The following ATP2A3 variants were observed in gnomAD, a reference collection of about 807,000 sequenced individuals.
ATP2A3 encodes ATPase sarcoplasmic/endoplasmic reticulum Ca2+ transporting 3.
In ATP2A3, 61 loss-of-function variants were observed where a neutral mutation model predicts 106.8. The observed-to-expected ratio is 0.57, with a 90% CI of 0.46 to 0.71. ATP2A3 has a LOEUF of 0.71. Ranked by LOEUF, ATP2A3 falls within the 30% of genes least tolerant of loss-of-function variation. ATP2A3 has a pLI of 0.00. For missense variants in ATP2A3, 1,201 were observed against 1,423.5 expected (o/e 0.84, Z 2.52); for synonymous variants, 611 against 609.3 (o/e 1.00, Z -0.04).
Position 3,953,640 on chromosome 17 carries a change from C to T in ATP2A3, c.136+53G>A, listed in dbSNP as rs921456419. 3.7e-5 allele frequency: 58 copies of T among 1,555,440 alleles called. No individual in the cohort carries two copies. Among genetic ancestry groups the T allele is most frequent in the Admixed American group, 5.8e-5 (3 of 51,398 alleles). On this transcript the variant is annotated intron_variant, in intron 2 of 20. Coordinates refer to ENST00000397041, the MANE Select transcript of ATP2A3 (RefSeq NM_005173.4). The surrounding 1 kb of genome is among the most constrained non-coding windows in gnomAD (Gnocchi z 5.1). The stretch of plus-strand genomic sequence containing the variant: ...AAGGAAGTCATGACCAGACAGAGAA[C>T]GACCCAGGGATGCTGCCCGCGGCCT...
chr17:3,936,712 G>C lies in ATP2A3; in HGVS notation c.2322-243C>G. On this transcript the variant is annotated intron_variant, in intron 15 of 20. Transcript: ENST00000397041. This position sits in a 1 kb window ranked among gnomAD's most constrained non-coding sequence, Gnocchi z 5.4. ...ACATACCTGCTCTTTAGGCCTAGCAGAGGCCAAGTACACACACACACACAC... is the reference window on the plus strand; with the variant it reads ...ACATACCTGCTCTTTAGGCCTAGCACAGGCCAAGTACACACACACACACAC... 1.8e-6 allele frequency: 1 copy of C among 547,058 alleles called. No individual in the cohort carries two copies. Among genetic ancestry groups the C allele is most frequent in the Non-Finnish European group, 3.3e-6 (1 of 303,720 alleles). The allele number at this position is 547,058 out of a possible 1,614,324, so 33.9% of individuals were successfully genotyped here. A position where few individuals can be genotyped will look rare whatever the true frequency, so the allele number is the denominator to read the frequency against.
intron 1 of ATP2A3, among the ~76,000 whole-genome samples, chr17:3,958,728 A>C: frequency 8.6e-6 from 1 of 115,804 alleles, no homozygotes; most frequent in African/African-American, 4.3e-5. Flanking sequence ...ACACATATAT[A>C]TACACATATA....
In ATP2A3 at chr17:3,953,475, C is replaced by T; in HGVS notation, c.137-46G>A. 6.2e-7 allele frequency: 1 copy of T among 1,600,454 alleles called. No homozygotes were observed. Among genetic ancestry groups the T allele is most frequent in the Non-Finnish European group, 8.6e-7 (1 of 1,168,078 alleles). On this transcript the variant is annotated intron_variant, in intron 2 of 20. Coordinates refer to ENST00000397041, the MANE Select transcript of ATP2A3 (RefSeq NM_005173.4). The surrounding 1 kb of genome is among the most constrained non-coding windows in gnomAD (Gnocchi z 5.1). ...TGAGGCTGGGCCCCCACCACTGACC[C>T]TGCCCACTCAGAGCTGGGATGGCCC...
In ATP2A3 at chr17:3,943,407, G is replaced by C. The variant is rs746023743; in HGVS notation, c.1403C>G (p.Ala468Gly). The change falls in exon 11 of 21, where the codon GCT becomes GGT. Residue 468 changes from alanine (A) to glycine (G), a missense_variant. Physicochemically the swap from Ala to Gly is moderately conservative, Grantham distance 60 (BLOSUM62 0). Transcript: ENST00000397041. ...DLQALSRVER[A>G]GACNTVIKQL... ...CCTGCTCACCGTGTTACAGGCGCCA[G>C]CTCGCTCCACCCGGGACAGAGCCTG... The C allele has an allele frequency of 6.2e-7, 1 of 1,613,940 alleles. No individual in the cohort carries two copies. The highest frequency in any genetic ancestry group is 2.2e-5 in the East Asian group (1 of 44,882).
Position 3,930,451 on chromosome 17 carries a change from AG to A in ATP2A3, c.2611-18del. The A allele has an allele frequency of 6.2e-7, 1 of 1,613,490 alleles. No individual in the cohort carries two copies. On this transcript the variant is annotated intron_variant, in intron 17 of 20. Transcript: ENST00000397041. This position sits in a 1 kb window ranked among gnomAD's most constrained non-coding sequence, Gnocchi z 5.4. ...GAAGTTCCTCTGGGGGCACCGTGGC[AG>A]GTCAGAGAGAGCGGCAGGTCAGGCG...
rs2144677868 is a variant in ATP2A3, at chr17:3,953,461, C to T, written c.137-32G>A. On this transcript the variant is annotated intron_variant, in intron 2 of 20. Transcript: ENST00000397041. This position sits in a 1 kb window ranked among gnomAD's most constrained non-coding sequence, Gnocchi z 5.1. ...ACGGGGGTCATGTGTGAGGCTGGGC[C>T]CCCACCACTGACCCTGCCCACTCAG... is the stretch of plus-strand genomic sequence containing the variant. 6.2e-7 allele frequency: 1 copy of T among 1,608,820 alleles called. No homozygotes were observed. The highest frequency in any genetic ancestry group is 1.3e-5 in the African/African-American group (1 of 74,926).
chr17:3,951,967 G>T (rs1333979942), intron 3 of ATP2A3, among the ~76,000 whole-genome samples: 1 of 152,164 alleles, frequency 6.6e-6, no homozygotes, highest in Non-Finnish European at 1.5e-5. Context: ...TCTCAGTGTG[G>T]TCCCCAGACC....
chr17:3,939,092 G>A (rs1439468202), intron 14 of ATP2A3, among the ~76,000 whole-genome samples: 5 of 152,070 alleles, frequency 3.3e-5, no homozygotes, highest in South Asian at 2.1e-4. Context: ...TCTTGAGCCC[G>A]AGAGGATGAG....
chr17:3,946,351 A>G (rs1188354620), intron 8 of ATP2A3, among the ~76,000 whole-genome samples: 2 of 152,118 alleles, frequency 1.3e-5, no homozygotes, highest in Admixed American at 6.5e-5. Flanking sequence ...CAGGAGTTAT[A>G]GACCAGCCTG....
intron 17 of ATP2A3, among the ~76,000 whole-genome samples, chr17:3,931,033 G>C (rs1056785080): frequency 4.6e-5 from 7 of 151,962 alleles, no homozygotes; most frequent in African/African-American, 1.5e-4. Context: ...CCAGCTACTC[G>C]GGAGGCTGAG....
At chr17:3,948,376 G>T (rs1455624281) in intron 7 of ATP2A3, among the ~76,000 whole-genome samples, 2 of 152,122 alleles carry the variant, frequency 1.3e-5, no homozygotes, top group Non-Finnish European at 2.9e-5. Flanking sequence ...TCTGTAAAGT[G>T]GTCCAACACA....
chr17:3,951,387 T>C lies in ATP2A3; in HGVS notation c.327A>G (p.Glu109=). The C allele has an allele frequency of 3.1e-6, 5 of 1,613,560 alleles. No individual in the cohort carries two copies. The highest frequency in any genetic ancestry group is 4.2e-6 in the Non-Finnish European group (5 of 1,179,982). The change falls in exon 5 of 21, where the codon GAA becomes GAG. Residue 109 remains glutamate (E), a splice_region_variant and synonymous_variant. Transcript: ENST00000397041. ...CCTCGATGGCACTCTCGGCGTTGCGTTCCTGCAGAATAGAAGGCCGGCAGG... is the reference window on the plus strand; with the variant it reads ...CCTCGATGGCACTCTCGGCGTTGCGCTCCTGCAGAATAGAAGGCCGGCAGG... ...VANAIVGVWQ[E]RNAESAIEAL... is the part of the protein sequence containing the mutation.
rs757036912 is a variant in ATP2A3, at chr17:3,928,491, T to C, written c.2980+172A>G. 19 of 952,044 alleles carry C rather than the reference T, an allele frequency of 2.0e-5. No individual in the cohort carries two copies. Among genetic ancestry groups the C allele is most frequent in the Non-Finnish European group, 2.9e-5 (18 of 614,692 alleles). 59.0% of individuals were successfully genotyped at this position (952,044 alleles called of 1,614,324 possible). On this transcript the variant is annotated intron_variant, in intron 20 of 20. Transcript: ENST00000397041. The surrounding 1 kb of genome is among the most constrained non-coding windows in gnomAD (Gnocchi z 6.1). Reference sequence around the variant, plus strand: ...TGCAGTGCAAGACCCTGCGGACACCTTGGGACCCAGCCACCAGAGCCCCTT... The same window carrying C: ...TGCAGTGCAAGACCCTGCGGACACCCTGGGACCCAGCCACCAGAGCCCCTT...
At chr17:3,946,232 G>A (rs1255139119) in intron 8 of ATP2A3, among the ~76,000 whole-genome samples, 2 of 132,392 alleles carry the variant, frequency 1.5e-5, no homozygotes, top group African/African-American at 2.9e-5. Context: ...AACAGAGTGA[G>A]ACTCCATCTC....
intron 17 of ATP2A3, among the ~76,000 whole-genome samples, chr17:3,934,014 CTCGGGT>C (rs1392613306): frequency 2.0e-5 from 3 of 151,230 alleles, no homozygotes; most frequent in Admixed American, 1.3e-4. Flanking sequence ...ACTTCCGCCT[CTCGGGT>C]TCAAGCGATT....
chr17:3,947,873 A>G lies in ATP2A3; in HGVS notation c.631-18T>C. The G allele has an allele frequency of 1.9e-6, 3 of 1,598,036 alleles. No homozygotes were observed. Among genetic ancestry groups the G allele is most frequent in the Non-Finnish European group, 2.5e-6 (3 of 1,179,696 alleles). On this transcript the variant is annotated intron_variant, in intron 7 of 20. Transcript: ENST00000397041. The surrounding 1 kb of genome is among the most constrained non-coding windows in gnomAD (Gnocchi z 7.7). ...TTGGTGCCCTGGCCAGGGGAGGGAC[A>G]AGGAAAAAGCTGCTCAGCAGCCAAC...
intron 16 of ATP2A3, among the ~76,000 whole-genome samples, chr17:3,935,956 G>A (rs2053419821): frequency 6.6e-6 from 1 of 152,208 alleles, no homozygotes; most frequent in Admixed American, 6.5e-5. Context: ...ACTACCGGGA[G>A]AGCAGCATGA....
chr17:3,959,496 G>C (rs902506120), intron 1 of ATP2A3, among the ~76,000 whole-genome samples: 1 of 152,210 alleles, frequency 6.6e-6, no homozygotes, highest in African/African-American at 2.4e-5. Flanking sequence ...CAGGGAGAAG[G>C]GGGGTAAGCG....
chr17:3,929,232 T>G lies in ATP2A3; in HGVS notation c.2862+96A>C, dbSNP rs1597565819. Reference sequence around the variant, plus strand: ...ACCTCTCACCTCCCTCTCCTCCAGGTAGTTTCCATTGCAGGGGGGCCAGAG... The same window carrying G: ...ACCTCTCACCTCCCTCTCCTCCAGGGAGTTTCCATTGCAGGGGGGCCAGAG... On this transcript the variant is annotated intron_variant, in intron 19 of 20. Transcript: ENST00000397041. The surrounding 1 kb of genome is among the most constrained non-coding windows in gnomAD (Gnocchi z 4.3). 1 of 1,146,210 alleles carries G rather than the reference T, an allele frequency of 8.7e-7. No homozygotes were observed. Among genetic ancestry groups the G allele is most frequent in the Non-Finnish European group, 1.3e-6 (1 of 798,606 alleles). 71.0% of individuals were successfully genotyped at this position (1,146,210 alleles called of 1,614,324 possible). A position where few individuals can be genotyped will look rare whatever the true frequency, so the allele number is the denominator to read the frequency against.
Sources: gnomAD v4.1 joint callset for allele counts (sites outside exome capture counted in the v4.1 genomes callset) on GRCh38, gnomAD v4.1.1 for gene constraint, Gnocchi (gnomAD v3.1) non-coding constraint, MANE v1.5 for transcripts, NCBI Gene and HGNC (gene_info 2026-07-23, HGNC 2026-07-21) for gene names.